The following CNOT8 variants were observed in gnomAD, a reference collection of about 807,000 sequenced individuals.
CNOT8 encodes CAF1-like protein.
CNOT8 carries 18 observed loss-of-function variants against 34.6 expected under a neutral mutation model. That is an observed-to-expected ratio of 0.52 (90% CI 0.36 to 0.77). The LOEUF is 0.77. Ranked by LOEUF, CNOT8 falls within the 30% of genes least tolerant of loss-of-function variation. The pLI is 0.00. For synonymous variants in CNOT8, 101 were observed against 118.8 expected (o/e 0.85, Z 0.98); for missense variants, 189 against 347.9 (o/e 0.54, Z 3.63).
At position 154,863,336 on chromosome 5, in the gene CNOT8, C is replaced by G. The variant is rs1761531691; in HGVS notation, c.58C>G (p.Leu20Val). ...TATCTGTGAAGTGTGGGCCAGTAATCTAGAAGAAGAGATGAGGAAGATCCG... is the reference window on the plus strand; with the variant it reads ...TATCTGTGAAGTGTGGGCCAGTAATGTAGAAGAAGAGATGAGGAAGATCCG... ...QVICEVWASN[L>V]EEEMRKIREI... Residue 20 changes from leucine to valine, a missense_variant, in exon 2 of 7, where the codon CTA becomes GTA. Transcript: ENST00000285896. 1 of 1,614,132 alleles carries G rather than the reference C, an allele frequency of 6.2e-7. No individual in the cohort carries two copies. Among genetic ancestry groups the G allele is most frequent in the Non-Finnish European group, 8.5e-7 (1 of 1,179,996 alleles).
intron 3 of CNOT8, among the ~76,000 whole-genome samples, chr5:154,869,447 GTTTA>G (rs1441629500): frequency 3.2e-5 from 4 of 125,410 alleles, no homozygotes; most frequent in South Asian, 2.5e-4. Flanking sequence ...TTTTTTTTAA[GTTTA>G]TTTATTTTTT....
At chr5:154,874,400 A>C (rs1762754889) in intron 6 of CNOT8, among the ~76,000 whole-genome samples, 1 of 151,908 alleles carries the variant, frequency 6.6e-6, no homozygotes, top group South Asian at 2.1e-4. Flanking sequence ...AACATGGTGA[A>C]ACCTGCCTCT....
At chr5:154,874,420 A>G (rs1762756039) in intron 6 of CNOT8, among the ~76,000 whole-genome samples, 1 of 152,024 alleles carries the variant, frequency 6.6e-6, no homozygotes, top group African/African-American at 2.4e-5. Flanking sequence ...TATTAAAAGT[A>G]CAAAAATTAG....
At chr5:154,864,171 A>G (rs1333437370) in intron 2 of CNOT8, among the ~76,000 whole-genome samples, 5 of 152,170 alleles carry the variant, frequency 3.3e-5, no homozygotes, top group Admixed American at 2.6e-4. Context: ...TTTAGAAATT[A>G]TAGAGTTGGC....
intron 3 of CNOT8, among the ~76,000 whole-genome samples, chr5:154,866,334 T>C (rs1340172388): frequency 6.6e-6 from 1 of 152,140 alleles, no homozygotes; most frequent in East Asian, 1.9e-4. Context: ...GCTGATTTTT[T>C]GTAGAAAGTG....
intron 3 of CNOT8, among the ~76,000 whole-genome samples, chr5:154,870,131 G>A (rs935546404): frequency 1.3e-5 from 2 of 152,088 alleles, no homozygotes; most frequent in African/African-American, 4.8e-5. Flanking sequence ...GTCCCCTCCA[G>A]TTCTTGGCCT....
intron 6 of CNOT8, among the ~76,000 whole-genome samples, chr5:154,873,430 A>G (rs933392026): frequency 2.0e-5 from 3 of 152,182 alleles, no homozygotes; most frequent in Non-Finnish European, 4.4e-5. Context: ...TGTAATAGAA[A>G]TATATTTGTT....
At chr5:154,867,270 T>A (rs1161102801) in intron 3 of CNOT8, among the ~76,000 whole-genome samples, 1 of 152,222 alleles carries the variant, frequency 6.6e-6, no homozygotes, top group Non-Finnish European at 1.5e-5. Context: ...GATGTAGAGA[T>A]GTAAGGGATG....
At position 154,863,330 on chromosome 5, in the gene CNOT8, A is replaced by G. The variant is rs370280644; in HGVS notation, c.52A>G (p.Ser18Gly). ...NSQVICEVWA[S>G]NLEEEMRKIR... ...CCAGGTTATCTGTGAAGTGTGGGCC[A>G]GTAATCTAGAAGAAGAGATGAGGAA... Residue 18 changes from serine to glycine, a missense_variant, in exon 2 of 7, where the codon AGT (serine) becomes GGT (glycine). Transcript: ENST00000285896. 41 of 1,614,060 alleles carry G rather than the reference A, an allele frequency of 2.5e-5. No individual in the cohort carries two copies. The highest frequency in any genetic ancestry group is 3.3e-5 in the Non-Finnish European group (39 of 1,180,022).
chr5:154,871,651 G>A, intron 4 of CNOT8, 79 bp from the exon 5 acceptor site: 1 of 1,366,100 alleles, frequency 7.3e-7, no homozygotes, highest in South Asian at 1.3e-5. Context: ...GCATTTACAA[G>A]CTTTGAGAAA....
intron 3 of CNOT8, among the ~76,000 whole-genome samples, chr5:154,869,773 C>T (rs545141922): frequency 9.2e-5 from 14 of 151,604 alleles, no homozygotes; most frequent in East Asian, 5.9e-4. Context: ...TACAGGCGTG[C>T]GCCACCACGC....
chr5:154,860,355 T>C (rs923726952), intron 1 of CNOT8, among the ~76,000 whole-genome samples: 15 of 152,290 alleles, frequency 9.8e-5, no homozygotes, highest in Admixed American at 9.8e-4. Flanking sequence ...GAGGCTGGAA[T>C]GCAGTGGCGT....
intron 6 of CNOT8, among the ~76,000 whole-genome samples, chr5:154,874,950 T>C (rs1762809036): frequency 6.6e-6 from 1 of 150,952 alleles, no homozygotes; most frequent in South Asian, 2.1e-4. Context: ...GAGTCTTCGC[T>C]ATGTTGCCCA....
Position 154,875,584 on chromosome 5 carries a change from G to A in CNOT8, c.*145G>A. 1.2e-6 allele frequency: 1 copy of A among 834,598 alleles called. No homozygotes were observed. Among genetic ancestry groups the A allele is most frequent in the South Asian group, 2.0e-5 (1 of 50,920 alleles). 51.7% of individuals were successfully genotyped at this position (834,598 alleles called of 1,614,324 possible). A position where few individuals can be genotyped will look rare whatever the true frequency, so the allele number is the denominator to read the frequency against. ...TGAGCAGAAAGACTTTTGTTTTACT[G>A]AAGACAAAAGATGTTTTTATTTTAG... On this transcript the variant is annotated 3_prime_UTR_variant, in exon 7 of 7. Transcript: ENST00000285896.
chr5:154,871,427 C>T (rs554434733), intron 4 of CNOT8, among the ~76,000 whole-genome samples: 14 of 151,884 alleles, frequency 9.2e-5, no homozygotes, highest in East Asian at 3.9e-4. Flanking sequence ...GGCATGGTGA[C>T]GGGTGCCTGT....
At chr5:154,872,690 T>C (rs916076327) in intron 6 of CNOT8, 39 bp downstream of exon 6, 1 of 1,324,748 alleles carries the variant, frequency 7.5e-7, no homozygotes, top group Non-Finnish European at 1.1e-6. Flanking sequence ...CTCTCGGCAG[T>C]AACTTGCTGA....
At chr5:154,858,474 G>A (rs1477239580), upstream of CNOT8, 1 of 152,280 alleles carries the variant, frequency 6.6e-6, no homozygotes, top group Non-Finnish European at 1.5e-5. Flanking sequence ...AAAGGGGGAG[G>A]AGCGGGCGTG....
chr5:154,867,485 C>T (rs1762010772), intron 3 of CNOT8, among the ~76,000 whole-genome samples: 1 of 152,042 alleles, frequency 6.6e-6, no homozygotes, highest in South Asian at 2.1e-4. Flanking sequence ...AGAGAAACTA[C>T]AAGTAGCTCA....
chr5:154,873,990 G>A (rs536338295), intron 6 of CNOT8, among the ~76,000 whole-genome samples: 4 of 152,226 alleles, frequency 2.6e-5, no homozygotes, highest in South Asian at 2.1e-4. Flanking sequence ...GAGATCTTGC[G>A]TTAAGTGCTT....
Sources: allele counts gnomAD v4.1 joint callset (sites outside exome capture counted in the v4.1 genomes callset), GRCh38; gene constraint gnomAD v4.1.1; transcripts MANE v1.5; gene names NCBI Gene and HGNC (gene_info 2026-07-23, HGNC 2026-07-21).